Variants in HDAC11 observed in about 807,000 individuals in gnomAD.
HDAC11 encodes histone deacetylase 11.
A neutral mutation model predicts 41.1 loss-of-function variants in HDAC11; 23 were observed. The observed-to-expected ratio is 0.56, with a 90% confidence interval of 0.40 to 0.79. The LOEUF (loss-of-function observed/expected upper bound fraction) is 0.79, where lower values mean the gene tolerates loss of function less well. Among genes scored for constraint, HDAC11 ranks in the 30% least tolerant of loss-of-function variants. The probability of loss-of-function intolerance (pLI) is 0.00; values close to 1 mark genes in which losing one functional copy is unlikely to be tolerated. For synonymous variants in HDAC11, 187 were observed against 186.6 expected (o/e 1.00, Z -0.02); for missense variants, 402 against 477.3 (o/e 0.84, Z 1.47).
At chr3:13,500,973 C>T (rs1375544854) in intron 6 of HDAC11, among the ~76,000 whole-genome samples, 184 bp downstream of exon 6, 1 of 152,196 alleles carries the variant, frequency 6.6e-6, no homozygotes, top group East Asian at 1.9e-4. Context: ...TGCTCCTCTT[C>T]CATGTTGCTT....
chr3:13,496,545 C>A, intron 3 of HDAC11, 191 bp from the exon 4 acceptor site: 1 of 542,684 alleles, frequency 1.8e-6, no homozygotes. Context: ...TTACTGAGCC[C>A]AGAGCTTGCC....
At position 13,495,097 on chromosome 3, in the gene HDAC11, T is replaced by C. The variant is rs148749152; in HGVS notation, c.253-1639T>C. Among the ~76,000 whole-genome samples, 141 of 152,246 alleles carry C rather than the reference T, an allele frequency of 9.3e-4. 2 individuals carry two copies. The East Asian group carries it at 0.026, about 28-fold the overall frequency. ...CACTTCCCACTTTCCTCTCATGGAA[T>C]GTCTGCAGCTTGGTGCCTCCCTCCA... is the stretch of plus-strand genomic sequence containing the variant. On this transcript the variant is annotated intron_variant, in intron 3 of 9. Transcript: ENST00000295757.
chr3:13,501,933 G>A lies in HDAC11; in HGVS notation c.552G>A (p.Gln184=), dbSNP rs763892388. Residue 184 remains glutamine, a splice_region_variant and synonymous_variant, in exon 7 of 10, where the codon CAG becomes CAA. Coordinates refer to ENST00000295757, the MANE Select transcript of HDAC11 (RefSeq NM_024827.4). The part of the protein sequence containing the change: ...RATIIDLDAH[Q]GNGHERDFMD... The stretch of plus-strand genomic sequence containing the variant: ...CCATCATTGATCTTGATGCCCATCA[G>A]GTGAGTGCCCTGCAGGGGCTGGACT... The A allele has an allele frequency of 6.2e-7, 1 of 1,613,666 alleles. No individual in the cohort carries two copies.
intron 3 of HDAC11, among the ~76,000 whole-genome samples, chr3:13,492,512 A>G (rs571251714): frequency 1.3e-5 from 2 of 152,170 alleles, no homozygotes; most frequent in African/African-American, 2.4e-5. Flanking sequence ...GATGAAGCCA[A>G]GGTGTGGGCT....
intron 5 of HDAC11, 70 bp downstream of exon 5, chr3:13,498,625 G>A (rs1440484765): frequency 2.1e-6 from 3 of 1,421,302 alleles, no homozygotes; most frequent in Non-Finnish European, 3.0e-6. Flanking sequence ...GGGGGCTGGG[G>A]GAGGGCGGGA....
At chr3:13,481,963 C>A (rs1305520417) in intron 2 of HDAC11, among the ~76,000 whole-genome samples, 1 of 152,206 alleles carries the variant, frequency 6.6e-6, no homozygotes, top group Non-Finnish European at 1.5e-5. Flanking sequence ...GCCACCACAC[C>A]CGGCCCTGAT....
intron 8 of HDAC11, chr3:13,503,221 G>A: frequency 6.1e-6 from 2 of 329,076 alleles, no homozygotes; most frequent in Non-Finnish European, 1.1e-5. Context: ...AGGAAAGAAT[G>A]AAAGAAAAAA....
chr3:13,498,366 C>A, intron 4 of HDAC11, 147 bp from the exon 5 acceptor site: 1 of 971,772 alleles, frequency 1.0e-6, no homozygotes, highest in South Asian at 1.4e-5. Flanking sequence ...GTAGGGAGTT[C>A]CTTCTATACC....
chr3:13,501,719 C>G lies in HDAC11; in HGVS notation c.490-152C>G, dbSNP rs756810385. On this transcript the variant is annotated intron_variant, in intron 6 of 9. Transcript: ENST00000295757. ...GCCCCACAGCTGGAGCTGCACAGCT[C>G]TCCCTGGCAAGTGACATCTTTGCTG... The G allele has an allele frequency of 2.8e-5, 21 of 746,788 alleles. No homozygotes were observed. In the African/African-American group the frequency reaches 2.9e-4, roughly 10 times the overall value. 46.3% of individuals were successfully genotyped at this position (746,788 alleles called of 1,614,324 possible). A position where few individuals can be genotyped will look rare whatever the true frequency, so the allele number is the denominator to read the frequency against.
At chr3:13,504,048 A>T in intron 8 of HDAC11, 46 bp from the exon 9 acceptor site, 1 of 1,577,976 alleles carries the variant, frequency 6.3e-7, no homozygotes, top group East Asian at 2.3e-5. Context: ...CCTGAGCCTC[A>T]GTTTCCCTTC....
At position 13,504,973 on chromosome 3, in the gene HDAC11, G is replaced by A. The variant is rs1702552369; in HGVS notation, c.*290G>A. ...CAGGCAGTTAACTGAGAATTGGAGA[G>A]GACAGGCTAGGTCCCAGGCACAGCG... On this transcript the variant is annotated 3_prime_UTR_variant, in exon 10 of 10. Coordinates refer to ENST00000295757, the MANE Select transcript of HDAC11 (RefSeq NM_024827.4). 1 of 502,486 alleles carries A rather than the reference G, an allele frequency of 2.0e-6. No homozygotes were observed. The highest frequency in any genetic ancestry group is 2.2e-5 in the South Asian group (1 of 45,666). The allele number at this position is 502,486 out of a possible 1,614,324, so 31.1% of individuals were successfully genotyped here.
At chr3:13,500,257 G>A (rs1047119931) in intron 5 of HDAC11, among the ~76,000 whole-genome samples, 1 of 152,024 alleles carries the variant, frequency 6.6e-6, no homozygotes, top group African/African-American at 2.4e-5. Flanking sequence ...AGGGTTGAGG[G>A]GTGATGGATC....
chr3:13,481,685 G>GA (rs1481150379), intron 2 of HDAC11, among the ~76,000 whole-genome samples: 2 of 152,196 alleles, frequency 1.3e-5, no homozygotes, highest in Non-Finnish European at 2.9e-5. Flanking sequence ...CAGGGAAGGT[G>GA]AAGCTTGGAG....
intron 2 of HDAC11, 47 bp downstream of exon 2, chr3:13,481,441 C>G: frequency 6.2e-7 from 1 of 1,601,310 alleles, no homozygotes; most frequent in Non-Finnish European, 8.5e-7. Context: ...TCCAACCCAC[C>G]TGTCCTCTCC....
chr3:13,480,789 G>C lies in HDAC11; in HGVS notation c.2+440G>C, dbSNP rs1321492330. The C allele has an allele frequency of 2.2e-6, 1 of 446,808 alleles. No homozygotes were observed. The highest frequency in any genetic ancestry group is 2.0e-5 in the African/African-American group (1 of 49,052). 27.7% of individuals were successfully genotyped at this position (446,808 alleles called of 1,614,324 possible). Reference sequence around the variant, plus strand: ...CCTGGCTCAGGTTGGGTCCCGACTTGGGTTTCTGAGTGCTTACTGTGCTCA... The same window carrying C: ...CCTGGCTCAGGTTGGGTCCCGACTTCGGTTTCTGAGTGCTTACTGTGCTCA... On this transcript the variant is annotated intron_variant, in intron 1 of 9. Coordinates refer to ENST00000295757, the MANE Select transcript of HDAC11 (RefSeq NM_024827.4). The surrounding 1 kb of genome is among the most constrained non-coding windows in gnomAD (Gnocchi z 4.6).
At chr3:13,481,002 C>T in intron 1 of HDAC11, 1 of 548,502 alleles carries the variant, frequency 1.8e-6, no homozygotes, top group Non-Finnish European at 3.3e-6. Flanking sequence ...CACACCTGGT[C>T]TGCTCTCTGA....
chr3:13,491,318 G>T (rs1701853051), intron 3 of HDAC11, among the ~76,000 whole-genome samples: 1 of 152,052 alleles, frequency 6.6e-6, no homozygotes, highest in Admixed American at 6.6e-5. Flanking sequence ...TTACCATTGA[G>T]TATAATGTCA....
chr3:13,496,876 C>A, intron 4 of HDAC11, 24 bp downstream of exon 4: 2 of 1,227,310 alleles, frequency 1.6e-6, no homozygotes, highest in Non-Finnish European at 2.3e-6. Context: ...GGGGGCATGG[C>A]TGGGCTGGGG....
chr3:13,486,571 G>GTTTTTT lies in HDAC11; in HGVS notation c.252+3026_252+3031dup, dbSNP rs767002835. 9.3e-4 allele frequency among the ~76,000 whole-genome samples: 77 copies of GTTTTTT among 83,066 alleles called. 1 individual carries two copies. Among genetic ancestry groups the GTTTTTT allele is most frequent in the African/African-American group, 3.3e-3 (69 of 21,050 alleles). The allele number at this position is 83,066 out of a possible 152,430, so 54.5% of individuals were successfully genotyped here. A position where few individuals can be genotyped will look rare whatever the true frequency, so the allele number is the denominator to read the frequency against. On this transcript the variant is annotated intron_variant, in intron 3 of 9. Coordinates refer to ENST00000295757, the MANE Select transcript of HDAC11 (RefSeq NM_024827.4). The stretch of plus-strand genomic sequence containing the variant: ...GAGCAGGTGATACTCATGTAGAGGT[G>GTTTTTT]TTTTTTTTTTTTTTTTTTTTTTTTG...
Sources: gnomAD v4.1 joint callset for allele counts (sites outside exome capture counted in the v4.1 genomes callset) on GRCh38, gnomAD v4.1.1 for gene constraint, Gnocchi (gnomAD v3.1) non-coding constraint, MANE v1.5 for transcripts, NCBI Gene and HGNC (gene_info 2026-07-23, HGNC 2026-07-21) for gene names.